PDLIM5: variants seen among roughly 807,000 people sequenced by gnomAD.
PDLIM5 encodes the protein PDZ and LIM domain 5, also known as PDZ and LIM domain protein 5.
A neutral mutation model predicts 64.2 loss-of-function variants in PDLIM5; 34 were observed. The ratio of observed to expected loss-of-function variants is 0.53; its 90% CI spans 0.40 to 0.71. The LOEUF (loss-of-function observed/expected upper bound fraction) is 0.71, where lower values mean the gene tolerates loss of function less well. PDLIM5 is among the 30% of genes least tolerant of loss of function. The pLI, the probability that PDLIM5 is intolerant of heterozygous loss-of-function variation, is 0.00. For missense variants in PDLIM5, 683 were observed against 733.6 expected, an observed-to-expected ratio of 0.93 and a Z score of 0.80; for synonymous variants, 253 against 269.1, an observed-to-expected ratio of 0.94 and a Z score of 0.59.
At chr4:94,657,157 T>C (rs1560770207) in intron 10 of PDLIM5, among the ~76,000 whole-genome samples, 1 of 152,176 alleles carries the variant, frequency 6.6e-6, no homozygotes. Context: ...ACTGTACATA[T>C]AATGTATAAA....
At chr4:94,526,175 G>C (rs1374396424) in intron 3 of PDLIM5, among the ~76,000 whole-genome samples, 3 of 152,138 alleles carry the variant, frequency 2.0e-5, no homozygotes, top group Non-Finnish European at 4.4e-5. Context: ...ACATTGTGCT[G>C]CTTATTTTAT....
intron 8 of PDLIM5, among the ~76,000 whole-genome samples, chr4:94,625,893 G>T (rs989249354): frequency 6.6e-5 from 10 of 152,120 alleles, no homozygotes; most frequent in African/African-American, 2.4e-4. Flanking sequence ...TTTTCTCTGT[G>T]AGACAGTTTG....
chr4:94,509,601 A>G (rs1196913069), intron 2 of PDLIM5, among the ~76,000 whole-genome samples: 2 of 152,198 alleles, frequency 1.3e-5, no homozygotes, highest in Admixed American at 6.5e-5. Flanking sequence ...TGGAATATAT[A>G]TGTAAAGGTG....
chr4:94,534,561 G>A (rs367771919), intron 3 of PDLIM5, among the ~76,000 whole-genome samples: 74 of 152,274 alleles, frequency 4.9e-4, no homozygotes, highest in African/African-American at 1.7e-3. Context: ...TCAAAGGAGA[G>A]TTAAAGATCC....
intron 5 of PDLIM5, among the ~76,000 whole-genome samples, chr4:94,580,956 G>A (rs1303090341): frequency 1.3e-5 from 2 of 151,802 alleles, no homozygotes; most frequent in Non-Finnish European, 2.9e-5. Context: ...TTTTTATTTT[G>A]AGCGGTTGGG....
intron 1 of PDLIM5, among the ~76,000 whole-genome samples, chr4:94,452,789 C>CTT (rs1722979032): frequency 6.6e-6 from 1 of 152,134 alleles, no homozygotes; most frequent in African/African-American, 2.4e-5. Flanking sequence ...GCCTTCCTGA[C>CTT]GGGGAGGACG....
intron 9 of PDLIM5, among the ~76,000 whole-genome samples, chr4:94,652,957 C>T (rs1741953430): frequency 6.6e-6 from 1 of 152,048 alleles, no homozygotes; most frequent in Admixed American, 6.5e-5. Flanking sequence ...AATATGGTGA[C>T]AAAGAATTTA....
At chr4:94,572,137 A>C (rs1482035834) in intron 3 of PDLIM5, among the ~76,000 whole-genome samples, 1 of 152,160 alleles carries the variant, frequency 6.6e-6, no homozygotes, top group African/African-American at 2.4e-5. Flanking sequence ...TTGTCTTTAA[A>C]GTAAAACAAG....
At chr4:94,623,039 T>C (rs1158284540) in intron 8 of PDLIM5, among the ~76,000 whole-genome samples, 1 of 152,178 alleles carries the variant, frequency 6.6e-6, no homozygotes, top group Admixed American at 6.5e-5. Context: ...AATCAAATGA[T>C]ATAACTAGGC....
intron 8 of PDLIM5, among the ~76,000 whole-genome samples, chr4:94,621,257 A>G (rs1739217892): frequency 1.3e-5 from 2 of 152,066 alleles, no homozygotes. Flanking sequence ...CACTTAGTCT[A>G]ATATTATTAG....
At chr4:94,560,913 A>G (rs574276388) in intron 3 of PDLIM5, among the ~76,000 whole-genome samples, 2 of 152,148 alleles carry the variant, frequency 1.3e-5, no homozygotes, top group South Asian at 4.2e-4. Flanking sequence ...TTTTTAGTAG[A>G]GACAGGGTTT....
chr4:94,524,832 A>G (rs549071567), intron 3 of PDLIM5, among the ~76,000 whole-genome samples: 1 of 152,242 alleles, frequency 6.6e-6, no homozygotes, highest in South Asian at 2.1e-4. Context: ...ATGACTTACA[A>G]AGTTTGATCA....
chr4:94,482,876 A>G (rs1322218014), intron 2 of PDLIM5, among the ~76,000 whole-genome samples: 1 of 152,122 alleles, frequency 6.6e-6, no homozygotes, highest in Non-Finnish European at 1.5e-5. Context: ...GTGACAGACC[A>G]AGACCCTGTC....
At chr4:94,529,858 A>G (rs1448805790) in intron 3 of PDLIM5, among the ~76,000 whole-genome samples, 2 of 152,236 alleles carry the variant, frequency 1.3e-5, no homozygotes, top group Non-Finnish European at 2.9e-5. Flanking sequence ...TGGGGAAGTC[A>G]GGCAAATAAC....
Position 94,618,104 on chromosome 4 carries a change from A to G in PDLIM5, c.1021A>G (p.Thr341Ala). The G allele has an allele frequency of 1.2e-6, 2 of 1,611,878 alleles. No individual in the cohort carries two copies. The highest frequency in any genetic ancestry group is 1.7e-6 in the Non-Finnish European group (2 of 1,178,826). Reference protein sequence around the residue: ...DSPTSGRPGVTSLTAAAAFKP... With the variant: ...DSPTSGRPGVASLTAAAAFKP... ...CCCAACCTCTGGCAGACCAGGGGTT[A>G]CCAGCCTCACAGCTGCAGCTGCCTT... is the stretch of plus-strand genomic sequence containing the variant. The change falls in exon 8 of 13, where the codon ACC (threonine) becomes GCC (alanine). Residue 341 changes from threonine (T) to alanine (A), a missense_variant. Coordinates refer to ENST00000317968, the MANE Select transcript of PDLIM5 (RefSeq NM_006457.5).
At chr4:94,589,435 G>A (rs1314154679) in intron 7 of PDLIM5, among the ~76,000 whole-genome samples, 3 of 152,178 alleles carry the variant, frequency 2.0e-5, no homozygotes, top group Non-Finnish European at 4.4e-5. Context: ...ACTTGAGTGT[G>A]AGGATAAATA....
At chr4:94,587,920 C>A in intron 7 of PDLIM5, 1 of 962,062 alleles carries the variant, frequency 1.0e-6, no homozygotes, top group Non-Finnish European at 1.2e-6. Flanking sequence ...TGTGAGACAT[C>A]AGAGAAATAT....
At chr4:94,503,587 G>A (rs973420577) in intron 2 of PDLIM5, among the ~76,000 whole-genome samples, 9 of 152,148 alleles carry the variant, frequency 5.9e-5, no homozygotes, top group Non-Finnish European at 1.3e-4. Flanking sequence ...TTTCTCCTCC[G>A]ATGTGCCTGT....
At position 94,667,807 on chromosome 4, in the gene PDLIM5, C is replaced by T. The variant is rs1743150851; in HGVS notation, c.*3740C>T. 1 of 152,072 alleles carries T rather than the reference C, an allele frequency of 6.6e-6. No individual in the cohort carries two copies. Among genetic ancestry groups the T allele is most frequent in the South Asian group, 2.1e-4 (1 of 4,812 alleles). The allele number at this position is 152,072 out of a possible 1,614,324, so 9.4% of individuals were successfully genotyped here. ...ACAACAAAAATGTACCATTTTCAAG[C>T]AGTACTACATTAGGAGCCCTTTTAT... On this transcript the variant is annotated 3_prime_UTR_variant, in exon 13 of 13. Coordinates refer to ENST00000317968, the MANE Select transcript of PDLIM5 (RefSeq NM_006457.5).
Sources: gnomAD v4.1 joint callset for allele counts (sites outside exome capture counted in the v4.1 genomes callset) on GRCh38, gnomAD v4.1.1 for gene constraint, MANE v1.5 for transcripts, NCBI Gene and HGNC (gene_info 2026-07-23, HGNC 2026-07-21) for gene names.